Variants in LHFPL3 observed in about 807,000 individuals in gnomAD.
The protein encoded by LHFPL3 is LHFPL tetraspan subfamily member 3 protein.
Under a neutral mutation model 19.3 loss-of-function variants are expected in LHFPL3, and 5 were observed. That is an observed-to-expected ratio of 0.26 (90% CI 0.14 to 0.54). The LOEUF is 0.54. Ranked by LOEUF, LHFPL3 falls within the 20% of genes least tolerant of loss-of-function variation. The pLI, the probability that LHFPL3 is intolerant of heterozygous loss-of-function variation, is 0.94. For synonymous variants in LHFPL3, 133 were observed against 126.2 expected, an observed-to-expected ratio of 1.05 and a Z score of -0.36; for missense variants, 249 against 307.4, an observed-to-expected ratio of 0.81 and a Z score of 1.42.
chr7:104,637,141 T>G (rs1791743250), intron 1 of LHFPL3, among the ~76,000 whole-genome samples: 1 of 152,214 alleles, frequency 6.6e-6, no homozygotes, highest in East Asian at 1.9e-4. Context: ...TAGTGATATT[T>G]AGCATCTTTT....
intron 2 of LHFPL3, among the ~76,000 whole-genome samples, chr7:104,850,748 C>G (rs1384842498): frequency 6.6e-6 from 1 of 152,224 alleles, no homozygotes; most frequent in Non-Finnish European, 1.5e-5. Flanking sequence ...CCCCAGGAAT[C>G]TGTATTCCAT....
chr7:104,716,468 TC>T (rs79246603), intron 1 of LHFPL3, among the ~76,000 whole-genome samples: 27,705 of 151,996 alleles, frequency 0.18, 3,061 homozygotes, highest in East Asian at 0.55. Context: ...AATAGACAAA[TC>T]AGTAAAGCTG....
chr7:104,611,737 A>T (rs1791217059), intron 1 of LHFPL3, among the ~76,000 whole-genome samples: 1 of 152,132 alleles, frequency 6.6e-6, no homozygotes, highest in Admixed American at 6.6e-5. Context: ...ATACTAAAAA[A>T]GGGGGGGAGG....
intron 1 of LHFPL3, among the ~76,000 whole-genome samples, chr7:104,614,589 C>CTCTCTTCTCTTCTCT (rs148097671): frequency 3.1e-5 from 2 of 63,852 alleles, no homozygotes; most frequent in Admixed American, 1.7e-4. Flanking sequence ...CTTCTCTTCT[C>CTCTCTTCTCTTCTCT]TCTCTTCTCT....
chr7:104,670,360 G>T (rs886445302), intron 1 of LHFPL3, among the ~76,000 whole-genome samples: 1 of 152,146 alleles, frequency 6.6e-6, no homozygotes, highest in Non-Finnish European at 1.5e-5. Context: ...CTTGGGGGTC[G>T]TGGTAATTCC....
rs1230297494 is a variant in LHFPL3 at position 104,328,987 on chromosome 7, G to A, written c.208G>A (p.Ala70Thr). 18 of 1,614,084 alleles carry A rather than the reference G, an allele frequency of 1.1e-5. No individual in the cohort carries two copies. Among genetic ancestry groups the A allele is most frequent in the Admixed American group, 1.7e-5 (1 of 60,014 alleles). ...AGGCGACGGCGTGGACACCCCGCAA[G>A]CCGGCTATTTCGGGCTCTTCCACTA... ...WIGDGVDTPQ[A>T]GYFGLFHYCI... The change falls in exon 1 of 3, where the codon GCC (alanine) becomes ACC (threonine). Residue 70 changes from alanine to threonine, a missense_variant. Ala to Thr is a moderately conservative substitution (Grantham distance 58, BLOSUM62 0). Transcript: ENST00000424859. The surrounding 1 kb of genome is among the most constrained non-coding windows in gnomAD (Gnocchi z 4.6).
At chr7:104,565,456 A>G (rs1004341671) in intron 1 of LHFPL3, among the ~76,000 whole-genome samples, 1 of 152,242 alleles carries the variant, frequency 6.6e-6, no homozygotes, top group African/African-American at 2.4e-5. Flanking sequence ...ATTGGTCAAC[A>G]TTTCCAAAAC....
At position 104,762,081 on chromosome 7, in the gene LHFPL3, G is replaced by A. The variant is rs368176762; in HGVS notation, c.682+25170G>A. On this transcript the variant is annotated intron_variant, in intron 2 of 2. Coordinates refer to ENST00000424859, the MANE Select transcript of LHFPL3 (RefSeq NM_199000.3). Reference sequence around the variant, plus strand: ...TCTGCATATCTAATAAGCTCCCAGCGATGCCAGTGTGTCACCTGAGCAGCA... The same window carrying A: ...TCTGCATATCTAATAAGCTCCCAGCAATGCCAGTGTGTCACCTGAGCAGCA... Among the ~76,000 whole-genome samples, 13 of 152,292 alleles carry A rather than the reference G, an allele frequency of 8.5e-5. 1 individual carries two copies. The highest frequency in any genetic ancestry group is 1.9e-4 in the African/African-American group (8 of 41,566).
intron 1 of LHFPL3, among the ~76,000 whole-genome samples, chr7:104,387,202 A>G (rs1226923953): frequency 2.0e-5 from 3 of 152,098 alleles, no homozygotes; most frequent in South Asian, 2.1e-4. Context: ...GAATAAAAGT[A>G]TGGAATTGAA....
intron 2 of LHFPL3, among the ~76,000 whole-genome samples, chr7:104,877,366 A>ATAC (rs1791967717): frequency 6.6e-6 from 1 of 152,238 alleles, no homozygotes; most frequent in Non-Finnish European, 1.5e-5. Flanking sequence ...TATACCTGAT[A>ATAC]AGGGACTTGT....
chr7:104,456,387 C>T (rs1038996200), intron 1 of LHFPL3, among the ~76,000 whole-genome samples: 1 of 152,142 alleles, frequency 6.6e-6, no homozygotes, highest in Non-Finnish European at 1.5e-5. Context: ...AATAGAGACA[C>T]ATTACATAAG....
intron 1 of LHFPL3, among the ~76,000 whole-genome samples, chr7:104,403,321 G>A (rs1178028252): frequency 6.6e-6 from 1 of 152,246 alleles, no homozygotes; most frequent in Non-Finnish European, 1.5e-5. Context: ...GAGAATGCCT[G>A]TAGTCTAGCT....
intron 1 of LHFPL3, among the ~76,000 whole-genome samples, chr7:104,425,701 T>C (rs1040500968): frequency 6.6e-6 from 1 of 152,230 alleles, no homozygotes; most frequent in African/African-American, 2.4e-5. Flanking sequence ...TTTCTATTTT[T>C]AGTGATGAAA....
intron 1 of LHFPL3, among the ~76,000 whole-genome samples, chr7:104,480,131 G>C (rs558558368): frequency 1.1e-4 from 16 of 152,190 alleles, no homozygotes; most frequent in Non-Finnish European, 1.9e-4. Context: ...TCAGGACTTT[G>C]GAGGAAGACA....
intron 1 of LHFPL3, among the ~76,000 whole-genome samples, chr7:104,372,617 C>G (rs961293534): frequency 6.6e-6 from 1 of 152,072 alleles, no homozygotes; most frequent in Non-Finnish European, 1.5e-5. Context: ...CTGGTGAGAT[C>G]TTGGACAAGT....
chr7:104,613,626 A>C (rs1303485341), intron 1 of LHFPL3, among the ~76,000 whole-genome samples: 2 of 152,110 alleles, frequency 1.3e-5, no homozygotes, highest in Non-Finnish European at 2.9e-5. Context: ...CTCACCCCTA[A>C]TCAGCACTTG....
At chr7:104,840,284 T>C (rs116250159) in intron 2 of LHFPL3, among the ~76,000 whole-genome samples, 1,740 of 148,272 alleles carry the variant, frequency 0.012, 34 homozygotes, top group African/African-American at 0.04. Context: ...TCATTTCTTT[T>C]TTCTGTCTTT....
At chr7:104,424,719 C>T (rs749015888) in intron 1 of LHFPL3, among the ~76,000 whole-genome samples, 4 of 151,986 alleles carry the variant, frequency 2.6e-5, no homozygotes, top group East Asian at 1.9e-4. Flanking sequence ...TGGCCGGGCG[C>T]GGTGGCTCAC....
intron 1 of LHFPL3, among the ~76,000 whole-genome samples, chr7:104,482,117 C>A (rs1793148463): frequency 6.6e-6 from 1 of 152,198 alleles, no homozygotes; most frequent in African/African-American, 2.4e-5. Context: ...AGCCCCACTC[C>A]TTTTCCTCAA....
Sources: allele counts gnomAD v4.1 joint callset (sites outside exome capture counted in the v4.1 genomes callset), GRCh38; gene constraint gnomAD v4.1.1; non-coding constraint Gnocchi (gnomAD v3.1); transcripts MANE v1.5; gene names NCBI Gene and HGNC (gene_info 2026-07-23, HGNC 2026-07-21).